Variants in CERS6 observed in about 807,000 individuals in gnomAD.
CERS6 encodes the protein LAG1 homolog, ceramide synthase 6.
CERS6 carries 26 observed loss-of-function variants against 56.8 expected under a neutral mutation model. The observed-to-expected ratio is 0.46, with a 90% CI of 0.34 to 0.63. The LOEUF (loss-of-function observed/expected upper bound fraction) is 0.63, where lower values mean the gene tolerates loss of function less well. Among genes scored for constraint, CERS6 ranks in the 30% least tolerant of loss-of-function variants. The pLI is 0.01. For synonymous variants in CERS6, 164 were observed against 173.3 expected, an observed-to-expected ratio of 0.95 and a Z score of 0.42; for missense variants, 415 against 467.5, an observed-to-expected ratio of 0.89 and a Z score of 1.04.
At position 168,724,017 on chromosome 2, in the gene CERS6, T is replaced by G. The variant is rs373095197; in HGVS notation, c.845+6039T>G. Reference sequence around the variant, plus strand: ...GAATTCCTTCCTAATGTGTCCAGAATTGGTGGGTTCTTGGTCTCACTGACT... The same window carrying G: ...GAATTCCTTCCTAATGTGTCCAGAAGTGGTGGGTTCTTGGTCTCACTGACT... On this transcript the variant is annotated intron_variant, in intron 8 of 9. Transcript: ENST00000305747. Among the ~76,000 whole-genome samples, 6 of 152,204 alleles carry G rather than the reference T, an allele frequency of 3.9e-5. No homozygotes were observed. In the East Asian group the frequency reaches 5.8e-4, roughly 15 times the overall value.
intron 8 of CERS6, among the ~76,000 whole-genome samples, chr2:168,760,552 C>G (rs371345887): frequency 1.3e-5 from 2 of 152,134 alleles, no homozygotes; most frequent in Admixed American, 1.3e-4. Flanking sequence ...TTAACTATCA[C>G]AACCACTGTC....
intron 4 of CERS6, among the ~76,000 whole-genome samples, chr2:168,646,575 C>T (rs1685209139): frequency 6.6e-6 from 1 of 152,234 alleles, no homozygotes; most frequent in Non-Finnish European, 1.5e-5. Flanking sequence ...GCTTTTGTTG[C>T]GATTGCTTTT....
intron 3 of CERS6, among the ~76,000 whole-genome samples, chr2:168,565,856 T>G (rs549337886): frequency 2.0e-5 from 3 of 152,146 alleles, no homozygotes; most frequent in Non-Finnish European, 4.4e-5. Flanking sequence ...AATGAAGAAT[T>G]TATAAAAATG....
intron 9 of CERS6, among the ~76,000 whole-genome samples, chr2:168,768,266 A>G (rs1219590992): frequency 6.7e-6 from 1 of 150,368 alleles, no homozygotes; most frequent in Non-Finnish European, 1.5e-5. Context: ...AGTTTCACTC[A>G]TTGCTCTGGC....
intron 3 of CERS6, among the ~76,000 whole-genome samples, chr2:168,581,287 G>C (rs994141449): frequency 6.6e-6 from 1 of 152,138 alleles, no homozygotes; most frequent in Admixed American, 6.6e-5. Flanking sequence ...CCAAAGTGCT[G>C]GGATTACAGG....
At chr2:168,614,379 G>T (rs1381013897) in intron 3 of CERS6, among the ~76,000 whole-genome samples, 2 of 152,290 alleles carry the variant, frequency 1.3e-5, no homozygotes, top group East Asian at 1.9e-4. Context: ...AGGAGATGAG[G>T]CATGATTTTA....
chr2:168,503,885 T>C (rs1223458478), intron 1 of CERS6, among the ~76,000 whole-genome samples: 2 of 152,220 alleles, frequency 1.3e-5, no homozygotes, highest in African/African-American at 4.8e-5. Context: ...ACCCAAGTTC[T>C]GCAGTATCCT....
At chr2:168,634,447 C>T (rs193025527) in intron 4 of CERS6, among the ~76,000 whole-genome samples, 5 of 152,260 alleles carry the variant, frequency 3.3e-5, no homozygotes, top group African/African-American at 1.2e-4. Flanking sequence ...GAGTCTCGCT[C>T]TGCCGCCCAG....
intron 1 of CERS6, among the ~76,000 whole-genome samples, chr2:168,499,097 A>G (rs1694532412): frequency 6.6e-6 from 1 of 152,030 alleles, no homozygotes; most frequent in Non-Finnish European, 1.5e-5. Context: ...TTCTCCTGTA[A>G]CATTGCCAGA....
chr2:168,555,324 T>C (rs182353726), intron 2 of CERS6, among the ~76,000 whole-genome samples: 1 of 152,108 alleles, frequency 6.6e-6, no homozygotes, highest in East Asian at 1.9e-4. Context: ...TTAGAAAACA[T>C]TGGTAATGAA....
At chr2:168,766,272 C>T (rs543081314) in intron 9 of CERS6, 2 of 1,572,518 alleles carry the variant, frequency 1.3e-6, no homozygotes, top group East Asian at 4.5e-5. Context: ...AGATCATTCT[C>T]TGTGACATTT....
At chr2:168,695,452 A>T (rs1265719305) in intron 6 of CERS6, among the ~76,000 whole-genome samples, 1 of 152,146 alleles carries the variant, frequency 6.6e-6, no homozygotes, top group African/African-American at 2.4e-5. Flanking sequence ...AGGGTTGTCC[A>T]GTGTCAAAAT....
At chr2:168,741,380 A>T (rs1407773920) in intron 8 of CERS6, among the ~76,000 whole-genome samples, 2,514 of 151,386 alleles carry the variant, frequency 0.017, 84 homozygotes, top group African/African-American at 0.055. Context: ...AATTAAAAAA[A>T]AAAAAAAAAA....
At chr2:168,477,173 C>CAGAGAGAGAGAGAGAGAGAGAGAGAGAG (rs10609883) in intron 1 of CERS6, among the ~76,000 whole-genome samples, 2 of 115,454 alleles carry the variant, frequency 1.7e-5, no homozygotes, top group Admixed American at 8.8e-5. Flanking sequence ...GAGGGAGAGA[C>CAGAGAGAGAGAGAGAGAGAGAGAGAGAG]AGAGAGAGAG....
chr2:168,478,789 C>T (rs1373396174), intron 1 of CERS6, among the ~76,000 whole-genome samples: 1 of 152,170 alleles, frequency 6.6e-6, no homozygotes, highest in Non-Finnish European at 1.5e-5. Flanking sequence ...TATTTGTTAT[C>T]ATCATCATTA....
chr2:168,540,008 A>G (rs1426647091), intron 1 of CERS6, among the ~76,000 whole-genome samples: 2 of 152,200 alleles, frequency 1.3e-5, no homozygotes, highest in African/African-American at 2.4e-5. Context: ...CTAAGTTTCC[A>G]TCTGGTTGTG....
chr2:168,563,961 A>T (rs759184530), intron 3 of CERS6, among the ~76,000 whole-genome samples: 1 of 152,128 alleles, frequency 6.6e-6, no homozygotes, highest in South Asian at 2.1e-4. Context: ...ATGATATAGT[A>T]TTGATGAAGT....
intron 1 of CERS6, among the ~76,000 whole-genome samples, chr2:168,510,156 G>A (rs190336811): frequency 1.2e-3 from 183 of 150,556 alleles, no homozygotes; most frequent in Non-Finnish European, 1.2e-3. Context: ...CCTAGAATCT[G>A]ATCCCATGTA....
chr2:168,704,529 C>T (rs184688534), intron 6 of CERS6, among the ~76,000 whole-genome samples: 112 of 152,208 alleles, frequency 7.4e-4, no homozygotes, highest in African/African-American at 2.6e-3. Context: ...TAAACAAACC[C>T]GTTCATCTGT....
Sources: allele counts gnomAD v4.1 joint callset (sites outside exome capture counted in the v4.1 genomes callset), GRCh38; gene constraint gnomAD v4.1.1; transcripts MANE v1.5; gene names NCBI Gene and HGNC (gene_info 2026-07-23, HGNC 2026-07-21).